SCHIP1: variants seen among roughly 807,000 people sequenced by gnomAD.
SCHIP1 encodes schwannomin-interacting protein 1.
Under a neutral mutation model 29.7 loss-of-function variants are expected in SCHIP1, and 8 were observed. That is an observed-to-expected ratio of 0.27 (90% confidence interval 0.16 to 0.49). The LOEUF is 0.49. SCHIP1 is among the 20% of genes least tolerant of loss of function. SCHIP1 has a pLI of 0.99. For synonymous variants in SCHIP1, 76 were observed against 94.9 expected (o/e 0.80, Z 1.16); for missense variants, 193 against 294.6 (o/e 0.66, Z 2.52).
At chr3:159,300,113 C>CTTATTTTTTTTT in the SCHIP1 span, among the ~76,000 whole-genome samples, 1 of 45,358 alleles carries the variant, frequency 2.2e-5, no homozygotes. Context: ...GGGAAAGCTG[C>CTTATTTTTTTTT]TTTTTTTTTT....
At chr3:159,547,801 TG>T in the SCHIP1 span, among the ~76,000 whole-genome samples, 1 of 152,192 alleles carries the variant, frequency 6.6e-6, no homozygotes, top group Non-Finnish European at 1.5e-5. Flanking sequence ...TATGCTGTTT[TG>T]GTTACTGTAC....
At chr3:159,745,885 CTAAT>C in the SCHIP1 span, among the ~76,000 whole-genome samples, 1 of 152,066 alleles carries the variant, frequency 6.6e-6, no homozygotes, top group African/African-American at 2.4e-5. Context: ...TGGTGTTTGT[CTAAT>C]TAGTCACAGT....
the SCHIP1 span, among the ~76,000 whole-genome samples, chr3:159,651,892 C>T: frequency 7.9e-5 from 12 of 152,102 alleles, no homozygotes; most frequent in African/African-American, 1.9e-4. Flanking sequence ...GTCAGGAGAT[C>T]GAGACCATTC....
the SCHIP1 span, among the ~76,000 whole-genome samples, chr3:159,453,495 C>G: frequency 6.6e-6 from 1 of 152,174 alleles, no homozygotes; most frequent in African/African-American, 2.4e-5. Context: ...CCAGGCCTTT[C>G]TTATTGCTGC....
chr3:159,824,408 A>T, the SCHIP1 span, among the ~76,000 whole-genome samples: 1 of 152,200 alleles, frequency 6.6e-6, no homozygotes, highest in Non-Finnish European at 1.5e-5. Context: ...ACCAGACTGG[A>T]TCGTCATTTG....
the SCHIP1 span, among the ~76,000 whole-genome samples, chr3:159,396,945 C>A: frequency 1.4e-5 from 2 of 146,044 alleles, no homozygotes; most frequent in Non-Finnish European, 1.5e-5. Context: ...CTCCCCATCA[C>A]TTTCAGGTAC....
chr3:159,471,726 G>A, the SCHIP1 span, among the ~76,000 whole-genome samples: 2 of 152,074 alleles, frequency 1.3e-5, no homozygotes, highest in East Asian at 3.9e-4. Flanking sequence ...TATACTAATT[G>A]GGCAAAGGAC....
At chr3:159,553,967 C>CGGGT in the SCHIP1 span, among the ~76,000 whole-genome samples, 1 of 115,728 alleles carries the variant, frequency 8.6e-6, no homozygotes, top group African/African-American at 3.4e-5. Flanking sequence ...CGCCCAGCTA[C>CGGGT]GTGTGTGTGT....
chr3:159,864,469 C>T (rs1053273608), intron 1 of SCHIP1, among the ~76,000 whole-genome samples: 2 of 81,324 alleles, frequency 2.5e-5, no homozygotes, highest in East Asian at 9.6e-4. Flanking sequence ...TATGGCTGTA[C>T]TACACACACA....
chr3:159,518,558 G>A, the SCHIP1 span, among the ~76,000 whole-genome samples: 1,451 of 152,190 alleles, frequency 9.5e-3, 27 homozygotes, highest in African/African-American at 0.033. Context: ...ATTTTAGAAA[G>A]CTGGCATGGA....
At chr3:159,349,423 T>G in the SCHIP1 span, among the ~76,000 whole-genome samples, 1 of 152,310 alleles carries the variant, frequency 6.6e-6, no homozygotes, top group South Asian at 2.1e-4. Context: ...TCTTATTAAT[T>G]CTGTGTGCAA....
At chr3:159,765,181 ACACACCCCGCG>A in the SCHIP1 span, 2 of 1,514,910 alleles carry the variant, frequency 1.3e-6, no homozygotes, top group African/African-American at 1.4e-5. Flanking sequence ...ACACACGCGT[ACACACCCCGCG>A]CACAGCCCGC....
At chr3:159,526,492 A>C in the SCHIP1 span, among the ~76,000 whole-genome samples, 1 of 152,146 alleles carries the variant, frequency 6.6e-6, no homozygotes, top group African/African-American at 2.4e-5. Flanking sequence ...TGAACTATGT[A>C]TTAAAGGGTT....
the SCHIP1 span, among the ~76,000 whole-genome samples, chr3:159,767,230 C>A: frequency 2.6e-5 from 4 of 152,074 alleles, no homozygotes; most frequent in Non-Finnish European, 5.9e-5. Flanking sequence ...CATGAAATCA[C>A]CTTAGCATTT....
At chr3:159,720,493 T>C in the SCHIP1 span, among the ~76,000 whole-genome samples, 4 of 152,188 alleles carry the variant, frequency 2.6e-5, no homozygotes, top group African/African-American at 4.8e-5. Context: ...CTAAACACTA[T>C]AGCAAAAAAT....
the SCHIP1 span, among the ~76,000 whole-genome samples, chr3:159,279,545 C>T: frequency 1.3e-5 from 2 of 152,140 alleles, no homozygotes; most frequent in Non-Finnish European, 2.9e-5. Context: ...GTACTTTCTG[C>T]CATACCTGGA....
the SCHIP1 span, chr3:159,764,336 C>T: frequency 3.6e-6 from 5 of 1,378,558 alleles, no homozygotes; most frequent in East Asian, 1.0e-4. The surrounding 1 kb of genome is among the most constrained non-coding windows in gnomAD (Gnocchi z 6.1). Flanking sequence ...GCACCTCTGA[C>T]CCAGCGGGCG....
At chr3:159,669,332 A>G in the SCHIP1 span, among the ~76,000 whole-genome samples, 32 of 152,360 alleles carry the variant, frequency 2.1e-4, no homozygotes, top group African/African-American at 7.0e-4. Context: ...TTTCGACAGC[A>G]ACCAAACAGG....
At chr3:159,682,183 C>G in the SCHIP1 span, among the ~76,000 whole-genome samples, 2 of 152,114 alleles carry the variant, frequency 1.3e-5, no homozygotes, top group African/African-American at 4.8e-5. Flanking sequence ...TCATCTTTCC[C>G]CCAAATGAGA....
Sources: gnomAD v4.1 joint callset for allele counts (sites outside exome capture counted in the v4.1 genomes callset) on GRCh38, gnomAD v4.1.1 for gene constraint, Gnocchi (gnomAD v3.1) non-coding constraint, MANE v1.5 for transcripts, NCBI Gene and HGNC (gene_info 2026-07-23, HGNC 2026-07-21) for gene names.